Variants in TCF20 observed in about 807,000 individuals in gnomAD.
TCF20 encodes the protein transcription factor 20, also known as SPRE-binding protein.
TCF20 carries 3 observed loss-of-function variants against 148.6 expected under a neutral mutation model. The ratio of observed to expected loss-of-function variants is 0.02; its 90% CI spans 0.01 to 0.05. The LOEUF is 0.05. Among genes scored for constraint, TCF20 ranks in the 10% least tolerant of loss-of-function variants. The pLI, the probability that TCF20 is intolerant of heterozygous loss-of-function variation, is 1.00. For synonymous variants in TCF20, 1,049 were observed against 909.5 expected (o/e 1.15, Z -2.76); for missense variants, 2,350 against 2,429.3 (o/e 0.97, Z 0.69).
chr22:42,316,060 A>G (rs146933393), intron 1 of TCF20, among the ~76,000 whole-genome samples: 6,848 of 147,214 alleles, frequency 0.047, 535 homozygotes, highest in African/African-American at 0.16. Flanking sequence ...GTGAGCTGAG[A>G]TCGCGCCACT....
chr22:42,258,532 A>C (rs904456842), intron 1 of TCF20, among the ~76,000 whole-genome samples: 3 of 152,142 alleles, frequency 2.0e-5, no homozygotes, highest in African/African-American at 7.2e-5. Context: ...GAATTTACGC[A>C]TGCTCTGGTT....
chr22:42,308,266 G>C (rs1927470894), intron 1 of TCF20, among the ~76,000 whole-genome samples: 1 of 152,154 alleles, frequency 6.6e-6, no homozygotes, highest in South Asian at 2.1e-4. Context: ...CCTTGGACGT[G>C]AAGCAAGTGA....
intron 5 of TCF20, among the ~76,000 whole-genome samples, chr22:42,165,553 CT>C (rs1209918447): frequency 6.6e-6 from 1 of 152,270 alleles, no homozygotes; most frequent in African/African-American, 2.4e-5. Context: ...TGCAGAAGGA[CT>C]TTTCCCCTCC....
At chr22:42,242,227 A>ACAAAAAAAAAAAAAAAAT (rs1924500371) in intron 1 of TCF20, among the ~76,000 whole-genome samples, 1 of 122,700 alleles carries the variant, frequency 8.1e-6, no homozygotes, top group African/African-American at 3.2e-5. Flanking sequence ...AAAAAAAAAA[A>ACAAAAAAAAAAAAAAAAT]CAGAAAAGAA....
intron 1 of TCF20, among the ~76,000 whole-genome samples, chr22:42,244,391 C>T (rs1924729927): frequency 2.0e-5 from 3 of 152,158 alleles, no homozygotes; most frequent in Admixed American, 2.0e-4. Context: ...CCGAAATGTC[C>T]ATCAACAGAT....
Position 42,297,843 on chromosome 22 carries a change from G to A in TCF20, c.-37+45636C>T, listed in dbSNP as rs1927263410. Among the ~76,000 whole-genome samples, 1 of 152,178 alleles carries A rather than the reference G, an allele frequency of 6.6e-6. No individual in the cohort carries two copies. The highest frequency in any genetic ancestry group is 6.5e-5 in the Admixed American group (1 of 15,292). ...GCTGATGGTGAGGAGATGAGACCCA[G>A]GGTGGAAGGAACACATGGAGGGTTC... is the stretch of plus-strand genomic sequence containing the variant. On this transcript the variant is annotated intron_variant, in intron 1 of 1. Coordinates refer to the TCF20 transcript ENST00000515426. This position sits in a 1 kb window ranked among gnomAD's most constrained non-coding sequence, Gnocchi z 4.3.
rs572006185 is a variant in TCF20 at position 42,240,916 on chromosome 22, C to CATG, written c.-36-25576_-36-25575insCAT. ...TCCCCCCCAGGCTGGAGTGCAGTGG[C>CATG]GCCATCTCAGTTCACTGCGACCTCC... On this transcript the variant is annotated intron_variant, in intron 1 of 5. Coordinates refer to ENST00000677622, the MANE Select transcript of TCF20 (RefSeq NM_001378418.1). Among the ~76,000 whole-genome samples, 102 of 151,976 alleles carry CATG rather than the reference C, an allele frequency of 6.7e-4. 2 individuals carry two copies. Among genetic ancestry groups the CATG allele is most frequent in the Admixed American group, 4.4e-3 (67 of 15,256 alleles).
intron 1 of TCF20, among the ~76,000 whole-genome samples, chr22:42,342,482 G>C (rs1236134802): frequency 6.6e-6 from 1 of 152,204 alleles, no homozygotes; most frequent in Non-Finnish European, 1.5e-5. Flanking sequence ...GTTGGCCCGG[G>C]TTCAAAACTC....
At chr22:42,182,879 G>A (rs1936848630) in intron 2 of TCF20, among the ~76,000 whole-genome samples, 1 of 152,190 alleles carries the variant, frequency 6.6e-6, no homozygotes, top group Non-Finnish European at 1.5e-5. Flanking sequence ...TAGGATTACA[G>A]GCATGAACCA....
chr22:42,177,912 T>C (rs1601530130), intron 3 of TCF20, among the ~76,000 whole-genome samples: 1 of 152,146 alleles, frequency 6.6e-6, no homozygotes, highest in East Asian at 1.9e-4. Context: ...AAGGCTACTC[T>C]TGGTGGTTCC....
At chr22:42,324,665 A>C (rs913858013) in intron 1 of TCF20, among the ~76,000 whole-genome samples, 3 of 136,266 alleles carry the variant, frequency 2.2e-5, no homozygotes, top group Non-Finnish European at 3.2e-5. Flanking sequence ...AATCTCCATC[A>C]TTTAAGAAAA....
At chr22:42,247,364 C>T (rs1220894775) in intron 1 of TCF20, among the ~76,000 whole-genome samples, 4 of 144,882 alleles carry the variant, frequency 2.8e-5, no homozygotes, top group Non-Finnish European at 4.5e-5. Context: ...GGCATGAACC[C>T]GGGAGGCGGA....
At chr22:42,188,484 C>T (rs1043316370) in intron 2 of TCF20, among the ~76,000 whole-genome samples, 1 of 152,018 alleles carries the variant, frequency 6.6e-6, no homozygotes, top group African/African-American at 2.4e-5. Context: ...GACTTCCTAA[C>T]GAGCTGTTCT....
rs1218235474 is a variant in TCF20 at position 42,168,643 on chromosome 22, A to T, written c.*10T>A. 6.3e-7 allele frequency: 1 copy of T among 1,597,166 alleles called. No homozygotes were observed. Among genetic ancestry groups the T allele is most frequent in the Non-Finnish European group, 8.5e-7 (1 of 1,171,800 alleles). ...CTGTCCTTTCCATTCCCACGAGCACACTGCCCCCCTCACCCCCGCTCCGAC... is the reference window on the plus strand; with the variant it reads ...CTGTCCTTTCCATTCCCACGAGCACTCTGCCCCCCTCACCCCCGCTCCGAC... On this transcript the variant is annotated 3_prime_UTR_variant, in exon 5 of 6. Transcript: ENST00000677622.
At chr22:42,271,344 G>C (rs1926613309), upstream of TCF20, among the ~76,000 whole-genome samples, 1 of 152,262 alleles carries the variant, frequency 6.6e-6, no homozygotes, top group South Asian at 2.1e-4. Flanking sequence ...GCGGCATTAA[G>C]AAGCTGCAAT....
rs564309587 is a variant in TCF20 at position 42,174,836 on chromosome 22, C to G, written c.5749+4773G>C. The stretch of plus-strand genomic sequence containing the variant: ...AGATCACAAGGTCAGGAGATCGAGA[C>G]CATCCCGGCTAACACGGTGAAACCC... On this transcript the variant is annotated intron_variant, in intron 3 of 5. Transcript: ENST00000677622. Among the ~76,000 whole-genome samples, 25 of 152,058 alleles carry G rather than the reference C, an allele frequency of 1.6e-4. 1 individual carries two copies. In the South Asian group the frequency reaches 5.0e-3, roughly 30 times the overall value.
At chr22:42,228,975 G>A (rs189360883) in intron 1 of TCF20, among the ~76,000 whole-genome samples, 1 of 152,300 alleles carries the variant, frequency 6.6e-6, no homozygotes, top group Non-Finnish European at 1.5e-5. Flanking sequence ...TGCACAAGAC[G>A]GTGTAGTGTG....
rs903164194 is a variant in TCF20, at chr22:42,299,974, G to A, written c.-37+43505C>T. Among the ~76,000 whole-genome samples, 3 of 145,506 alleles carry A rather than the reference G, an allele frequency of 2.1e-5. No homozygotes were observed. The highest frequency in any genetic ancestry group is 7.6e-5 in the African/African-American group (3 of 39,668). On this transcript the variant is annotated intron_variant, in intron 1 of 1. Coordinates refer to the TCF20 transcript ENST00000515426. The surrounding 1 kb of genome is among the most constrained non-coding windows in gnomAD (Gnocchi z 4.1). ...GGGAAGGAAGGGCGGGGAGGGGGAG[G>A]GGGAGGGGCGCGCTGAAATCACCCG...
At position 42,283,869 on chromosome 22, in the gene TCF20, T is replaced by C. The variant is rs189029649; in HGVS notation, c.-79A>G. Among the ~76,000 whole-genome samples the C allele has an allele frequency of 3.1e-3, 476 of 152,108 alleles. 1 individual carries two copies. Among genetic ancestry groups the C allele is most frequent in the Non-Finnish European group, 5.2e-3 (355 of 67,966 alleles). ...TCCCTGGCCCTTGCCCCAGACCCCT[T>C]GCCAGCCCGGCGACCACGGGGGAGG... On this transcript the variant is annotated 5_prime_UTR_variant, in exon 1 of 6. Transcript: ENST00000359486.
Sources: gnomAD v4.1 joint callset for allele counts (sites outside exome capture counted in the v4.1 genomes callset) on GRCh38, gnomAD v4.1.1 for gene constraint, Gnocchi (gnomAD v3.1) non-coding constraint, MANE v1.5 for transcripts, NCBI Gene and HGNC (gene_info 2026-07-23, HGNC 2026-07-21) for gene names.